The following DNAH9 variants were observed in gnomAD, a reference collection of about 807,000 sequenced individuals.
The protein encoded by DNAH9 is dynein axonemal heavy chain 9, also known as DNAH9 variant protein.
In DNAH9, 345 loss-of-function variants were observed where a neutral mutation model predicts 471.6. The ratio of observed to expected loss-of-function variants is 0.73; its 90% CI spans 0.67 to 0.80. The LOEUF (loss-of-function observed/expected upper bound fraction) is 0.80. Among genes scored for constraint, DNAH9 ranks in the 30% least tolerant of loss-of-function variants. DNAH9 has a pLI of 0.00. For missense variants in DNAH9, 5,407 were observed against 5,609.2 expected, an observed-to-expected ratio of 0.96 and a Z score of 1.15; for synonymous variants, 2,093 against 2,123.6, an observed-to-expected ratio of 0.99 and a Z score of 0.40.
intron 49 of DNAH9, among the ~76,000 whole-genome samples, chr17:11,838,121 C>T (rs1039903411): frequency 1.3e-5 from 2 of 152,128 alleles, no homozygotes; most frequent in African/African-American, 4.8e-5. Flanking sequence ...TTTGATATAA[C>T]CATAATGGGG....
chr17:11,705,953 T>C lies in DNAH9; in HGVS notation c.5552+768T>C, dbSNP rs150835095. ...CTATATTCATTAAAGTTAAGAAATA[T>C]ACCATGGAATGTTATACTGCACAAA... is the stretch of plus-strand genomic sequence containing the variant. On this transcript the variant is annotated intron_variant, in intron 26 of 68. Coordinates refer to ENST00000262442, the MANE Select transcript of DNAH9 (RefSeq NM_001372.4). Among the ~76,000 whole-genome samples, 35 of 152,304 alleles carry C rather than the reference T, an allele frequency of 2.3e-4. 1 individual carries two copies. The East Asian group carries it at 6.4e-3, about 28-fold the overall frequency.
chr17:11,852,849 T>TAA (rs1233179285), intron 49 of DNAH9, among the ~76,000 whole-genome samples: 2 of 138,496 alleles, frequency 1.4e-5, no homozygotes, highest in Non-Finnish European at 3.1e-5. Context: ...TATATATATA[T>TAA]ATATATATAT....
chr17:11,890,406 C>A (rs1023777325), intron 57 of DNAH9, among the ~76,000 whole-genome samples: 1 of 152,040 alleles, frequency 6.6e-6, no homozygotes, highest in African/African-American at 2.4e-5. Context: ...GACTGCAAAG[C>A]CTTTGTTAAC....
rs762990165 is a variant in DNAH9, at chr17:11,598,751, C to T, written c.253C>T (p.Pro85Ser). Reference sequence around the variant, plus strand: ...CGGGCCCAGGGGCCTGGCAATACGCCCCGGGCTGGAGGTGGGACCTGAGTC... The same window carrying T: ...CGGGCCCAGGGGCCTGGCAATACGCTCCGGGCTGGAGGTGGGACCTGAGTC... The part of the protein sequence containing the change: ...RPGPRGLAIR[P>S]GLEVGPESGL... The change falls in exon 1 of 69, where the codon CCC becomes TCC. Residue 85 changes from proline to serine, a missense_variant. By Grantham distance (74) the Pro-to-Ser change is moderately conservative (BLOSUM62 -1). Around this residue, in one of 3 missense-constraint regions of DNAH9, gnomAD observed 767 missense variants for 692.5 expected, o/e 1.11. Coordinates refer to ENST00000262442, the MANE Select transcript of DNAH9 (RefSeq NM_001372.4). The T allele has an allele frequency of 8.1e-4, 1,153 of 1,426,768 alleles. 1 individual carries two copies. The highest frequency in any genetic ancestry group is 1.0e-3 in the Non-Finnish European group (1,107 of 1,096,870). 88.4% of individuals were successfully genotyped at this position (1,426,768 alleles called of 1,614,324 possible). A position where few individuals can be genotyped will look rare whatever the true frequency, so the allele number is the denominator to read the frequency against.
chr17:11,922,598 T>A (rs1004265883), intron 61 of DNAH9, among the ~76,000 whole-genome samples: 1 of 152,216 alleles, frequency 6.6e-6, no homozygotes, highest in Non-Finnish European at 1.5e-5. Flanking sequence ...ATTCTCTTAA[T>A]CCATCTGCAA....
intron 48 of DNAH9, among the ~76,000 whole-genome samples, chr17:11,826,222 A>G (rs999112762): frequency 2.0e-5 from 3 of 152,160 alleles, no homozygotes; most frequent in African/African-American, 7.2e-5. Context: ...ACCTGCAAGT[A>G]ATCAAGCCGA....
chr17:11,605,235 C>T lies in DNAH9; in HGVS notation c.418-2894C>T, dbSNP rs183498186. Among the ~76,000 whole-genome samples, 52 of 152,292 alleles carry T rather than the reference C, an allele frequency of 3.4e-4. No homozygotes were observed. The East Asian group carries it at 9.7e-3, about 28-fold the overall frequency. ...AATCTTATCTTCTCAGTCAGGCCAACCTCAACATTTACAATTGCAGCCCCT... is the reference window on the plus strand; with the variant it reads ...AATCTTATCTTCTCAGTCAGGCCAATCTCAACATTTACAATTGCAGCCCCT... On this transcript the variant is annotated intron_variant, in intron 1 of 68. Coordinates refer to ENST00000262442, the MANE Select transcript of DNAH9 (RefSeq NM_001372.4).
At chr17:11,647,436 C>T (rs1333229438) in intron 12 of DNAH9, among the ~76,000 whole-genome samples, 1 of 152,116 alleles carries the variant, frequency 6.6e-6, no homozygotes, top group Admixed American at 6.5e-5. Flanking sequence ...AAAAGATTCT[C>T]AAAATAATTT....
intron 48 of DNAH9, among the ~76,000 whole-genome samples, chr17:11,833,085 C>T (rs960504707): frequency 6.6e-6 from 1 of 152,166 alleles, no homozygotes; most frequent in Non-Finnish European, 1.5e-5. Flanking sequence ...GCTGCTGGTC[C>T]AGGGATCACA....
chr17:11,705,054 G>A lies in DNAH9; in HGVS notation c.5421G>A (p.Leu1807=). Reference sequence around the variant, plus strand: ...ACAATGCCCAGGCTTTCCTCTGGCTGTCTCAGCTGCGCCATCGTTGGGATG... The same window carrying A: ...ACAATGCCCAGGCTTTCCTCTGGCTATCTCAGCTGCGCCATCGTTGGGATG... ...KVDNAQAFLW[L]SQLRHRWDDE... is the part of the protein sequence containing the mutation. The change falls in exon 26 of 69, where the codon CTG becomes CTA. Residue 1807 remains leucine, a synonymous_variant. Transcript: ENST00000262442. 6.2e-7 allele frequency: 1 copy of A among 1,614,202 alleles called. No individual in the cohort carries two copies. The highest frequency in any genetic ancestry group is 8.5e-7 in the Non-Finnish European group (1 of 1,180,006).
chr17:11,604,266 C>T (rs2072450505), intron 1 of DNAH9, among the ~76,000 whole-genome samples: 1 of 152,092 alleles, frequency 6.6e-6, no homozygotes, highest in South Asian at 2.1e-4. Flanking sequence ...TCGTGATCTG[C>T]CCACCTTGGC....
chr17:11,662,068 G>T (rs1043386325), intron 14 of DNAH9, among the ~76,000 whole-genome samples: 1 of 151,970 alleles, frequency 6.6e-6, no homozygotes, highest in African/African-American at 2.4e-5. Flanking sequence ...GTTTTTAAAG[G>T]ACAGTTTCAT....
At chr17:11,966,874 C>A (rs116337817) in intron 68 of DNAH9, among the ~76,000 whole-genome samples, 1,630 of 151,258 alleles carry the variant, frequency 0.011, 32 homozygotes, top group African/African-American at 0.038. Context: ...CAGCCTGGCC[C>A]ATATGGCAAA....
chr17:11,831,804 T>C (rs575407086), intron 48 of DNAH9, among the ~76,000 whole-genome samples: 7 of 152,310 alleles, frequency 4.6e-5, no homozygotes, highest in Non-Finnish European at 1.0e-4. Flanking sequence ...TTTAGCATCA[T>C]GTGCCTGGTT....
intron 3 of DNAH9, 123 bp downstream of exon 3, chr17:11,610,677 A>T (rs2072615794): frequency 1.2e-6 from 1 of 859,314 alleles, no homozygotes; most frequent in Admixed American, 2.8e-5. Context: ...TCACATCATC[A>T]GTGGGGTAGA....
At position 11,795,860 on chromosome 17, in the gene DNAH9, CCAA is replaced by C. The variant is rs557090328; in HGVS notation, c.8224-1731_8224-1729del. Among the ~76,000 whole-genome samples, 244 of 152,264 alleles carry C rather than the reference CCAA, an allele frequency of 1.6e-3. 2 individuals are homozygous for C. Among genetic ancestry groups the C allele is most frequent in the Non-Finnish European group, 2.3e-3 (159 of 68,022 alleles). The stretch of plus-strand genomic sequence containing the variant: ...ATATGAATATTGCCATTATCCTTCC[CCAA>C]CAACATTTGAAATGCCAGCCTGAAG... On this transcript the variant is annotated intron_variant, in intron 42 of 68. Transcript: ENST00000262442.
chr17:11,647,061 G>A lies in DNAH9; in HGVS notation c.1971-11G>A, dbSNP rs2150695211. On this transcript the variant is annotated splice_polypyrimidine_tract_variant and intron_variant, in intron 11 of 68. Coordinates refer to ENST00000262442, the MANE Select transcript of DNAH9 (RefSeq NM_001372.4). ...GGCTTATGAGGTGGCTGTTGTCTCT[G>A]ACCCTTGCAGGTATGAGACAAGACT... The A allele has an allele frequency of 1.2e-6, 2 of 1,613,222 alleles. No homozygotes were observed. The highest frequency in any genetic ancestry group is 8.5e-7 in the Non-Finnish European group (1 of 1,179,556).
At chr17:11,618,308 C>T (rs978569976) in intron 5 of DNAH9, among the ~76,000 whole-genome samples, 14 of 152,200 alleles carry the variant, frequency 9.2e-5, no homozygotes, top group African/African-American at 3.1e-4. Flanking sequence ...AACTAGAGGG[C>T]CGGGCGCGGT....
At chr17:11,869,055 A>C (rs1006944142) in intron 50 of DNAH9, 79 bp from the exon 51 acceptor site, 1 of 1,541,700 alleles carries the variant, frequency 6.5e-7, no homozygotes, top group African/African-American at 1.4e-5. Flanking sequence ...AACCACCTCC[A>C]TGTGAACCCT....
Sources: allele counts gnomAD v4.1 joint callset (sites outside exome capture counted in the v4.1 genomes callset), GRCh38; gene constraint gnomAD v4.1.1; regional missense constraint gnomAD v4.1.1; transcripts MANE v1.5; gene names NCBI Gene and HGNC (gene_info 2026-07-23, HGNC 2026-07-21).